Variants in GRID2 observed in about 807,000 individuals in gnomAD.
GRID2 encodes glutamate receptor ionotropic, delta-2.
GRID2 carries 33 observed loss-of-function variants against 114.8 expected under a neutral mutation model. The observed-to-expected ratio is 0.29, with a 90% CI of 0.22 to 0.38. The LOEUF (loss-of-function observed/expected upper bound fraction) is 0.38. Ranked by LOEUF, GRID2 falls within the 10% of genes least tolerant of loss-of-function variation. The probability of loss-of-function intolerance (pLI) is 1.00; values close to 1 mark genes in which losing one functional copy is unlikely to be tolerated. For synonymous variants in GRID2, 505 were observed against 449.9 expected (o/e 1.12, Z -1.55); for missense variants, 1,184 against 1,257.7 (o/e 0.94, Z 0.89).
intron 13 of GRID2, 30 bp downstream of exon 13, chr4:93,515,441 C>G (rs368242085): frequency 7.2e-7 from 1 of 1,391,128 alleles, no homozygotes; most frequent in South Asian, 1.3e-5. Flanking sequence ...TTTAATAGTC[C>G]TTACCATTTT....
intron 2 of GRID2, among the ~76,000 whole-genome samples, chr4:92,600,760 C>T (rs947702934): frequency 6.6e-6 from 1 of 152,190 alleles, no homozygotes; most frequent in African/African-American, 2.4e-5. Flanking sequence ...CTGCTCCTTC[C>T]TCCGGGATCT....
intron 13 of GRID2, among the ~76,000 whole-genome samples, chr4:93,566,828 A>AAT (rs549771396): frequency 9.9e-5 from 15 of 152,240 alleles, no homozygotes; most frequent in African/African-American, 3.6e-4. Context: ...ACAAAGAATG[A>AAT]ATTTTTTTAT....
At chr4:93,638,230 G>A (rs958335697) in intron 14 of GRID2, among the ~76,000 whole-genome samples, 6 of 150,946 alleles carry the variant, frequency 4.0e-5, no homozygotes, top group Non-Finnish European at 7.4e-5. Context: ...AGTAACTAAT[G>A]AAAATGATCA....
chr4:93,289,486 C>T (rs1171494646), intron 8 of GRID2, among the ~76,000 whole-genome samples: 1 of 152,010 alleles, frequency 6.6e-6, no homozygotes, highest in Admixed American at 6.6e-5. Flanking sequence ...CCTGGCTTTT[C>T]CCATTGTATA....
At position 92,873,006 on chromosome 4, in the gene GRID2, G is replaced by A. The variant is rs117978201; in HGVS notation, c.245-211989G>A. On this transcript the variant is annotated intron_variant, in intron 2 of 15. Transcript: ENST00000282020. ...ACATGGTGGATTAGTACCCAAGATGGAATTGCTTTAGCTTCCACAGATACC... is the reference window on the plus strand; with the variant it reads ...ACATGGTGGATTAGTACCCAAGATGAAATTGCTTTAGCTTCCACAGATACC... 4.4e-3 allele frequency among the ~76,000 whole-genome samples: 673 copies of A among 152,234 alleles called. 23 individuals are homozygous for A. The East Asian group carries it at 0.074, about 17-fold the overall frequency.
chr4:93,529,508 A>G (rs1731243945), intron 13 of GRID2, among the ~76,000 whole-genome samples: 1 of 152,128 alleles, frequency 6.6e-6, no homozygotes, highest in African/African-American at 2.4e-5. Context: ...AGTGATTCCA[A>G]TGCATCTAAC....
At chr4:92,361,844 G>A (rs1728634931) in intron 1 of GRID2, among the ~76,000 whole-genome samples, 1 of 151,928 alleles carries the variant, frequency 6.6e-6, no homozygotes, top group Admixed American at 6.6e-5. Flanking sequence ...GTGGTATACT[G>A]AGCATCTGCC....
chr4:93,403,779 G>A (rs1766143522), intron 9 of GRID2, among the ~76,000 whole-genome samples: 2 of 152,212 alleles, frequency 1.3e-5, no homozygotes, highest in South Asian at 4.1e-4. Flanking sequence ...TTGCTGGTAG[G>A]AATGTAAAAT....
chr4:92,360,602 C>A (rs1021158653), intron 1 of GRID2, among the ~76,000 whole-genome samples: 2 of 151,964 alleles, frequency 1.3e-5, no homozygotes, highest in African/African-American at 4.8e-5. Context: ...GAGTCACATT[C>A]CACAGCCACC....
At position 93,188,527 on chromosome 4, in the gene GRID2, A is replaced by G. The variant is rs537601655; in HGVS notation, c.736-18877A>G. ...ATGCATTTGTGGAGTTCTTCTGTCC[A>G]TTGGCTTGATGAATAAGAGCCCCTG... On this transcript the variant is annotated intron_variant, in intron 4 of 15. Transcript: ENST00000282020. Among the ~76,000 whole-genome samples, 4 of 152,278 alleles carry G rather than the reference A, an allele frequency of 2.6e-5. 1 individual carries two copies. Among genetic ancestry groups the G allele is most frequent in the Non-Finnish European group, 5.9e-5 (4 of 68,010 alleles).
intron 1 of GRID2, among the ~76,000 whole-genome samples, chr4:92,532,398 G>C (rs548021644): frequency 6.6e-5 from 10 of 152,246 alleles, no homozygotes; most frequent in Admixed American, 1.3e-4. Flanking sequence ...CAATACCTAG[G>C]CTAAACAGAA....
intron 2 of GRID2, among the ~76,000 whole-genome samples, chr4:93,002,425 T>C (rs1560785310): frequency 6.6e-6 from 1 of 151,596 alleles, no homozygotes; most frequent in Non-Finnish European, 1.5e-5. Context: ...ACATAGTTGA[T>C]GGGCCGATGA....
chr4:92,632,963 T>A (rs930217140), intron 2 of GRID2, among the ~76,000 whole-genome samples: 6 of 152,172 alleles, frequency 3.9e-5, no homozygotes, highest in African/African-American at 1.4e-4. Context: ...CAAGATACAA[T>A]GGGAAAAATT....
intron 2 of GRID2, among the ~76,000 whole-genome samples, chr4:92,905,482 T>G (rs1207624024): frequency 6.6e-6 from 1 of 152,028 alleles, no homozygotes; most frequent in Non-Finnish European, 1.5e-5. Context: ...CTGTAAACAT[T>G]AAAATATGAT....
At chr4:92,896,232 A>G (rs969986653) in intron 2 of GRID2, among the ~76,000 whole-genome samples, 6 of 152,206 alleles carry the variant, frequency 3.9e-5, no homozygotes, top group Admixed American at 3.9e-4. Flanking sequence ...CCCAGGCAAT[A>G]TGTATTCAAG....
chr4:92,503,833 C>G (rs1372037115), intron 1 of GRID2, among the ~76,000 whole-genome samples: 1 of 152,026 alleles, frequency 6.6e-6, no homozygotes, highest in Non-Finnish European at 1.5e-5. Context: ...TCTAACAGAT[C>G]TATTATAGAA....
intron 2 of GRID2, among the ~76,000 whole-genome samples, chr4:93,038,516 T>C (rs1168067616): frequency 6.6e-6 from 1 of 151,940 alleles, no homozygotes; most frequent in African/African-American, 2.4e-5. Flanking sequence ...ACAGGCCAGG[T>C]GTGGTGGCTC....
chr4:92,481,981 G>GACAT (rs1350895466), intron 1 of GRID2, among the ~76,000 whole-genome samples: 3 of 47,240 alleles, frequency 6.4e-5, no homozygotes, highest in South Asian at 7.5e-4. Context: ...AATAAAATGT[G>GACAT]ATATATATAT....
chr4:93,423,336 C>CTTTTTTTTTTTTTTTTTTT (rs554663844), intron 10 of GRID2, among the ~76,000 whole-genome samples: 2 of 73,570 alleles, frequency 2.7e-5, no homozygotes, highest in African/African-American at 5.7e-5. Context: ...TTTTTTCTTT[C>CTTTTTTTTTTTTTTTTTTT]TTTTTTTTTT....
Sources: gnomAD v4.1 joint callset for allele counts (sites outside exome capture counted in the v4.1 genomes callset) on GRCh38, gnomAD v4.1.1 for gene constraint, MANE v1.5 for transcripts, NCBI Gene and HGNC (gene_info 2026-07-23, HGNC 2026-07-21) for gene names.